IL5: variants seen among roughly 807,000 people sequenced by gnomAD.
IL5 encodes the protein interleukin-5.
A neutral mutation model predicts 16.3 loss-of-function variants in IL5; 12 were observed. The observed-to-expected ratio is 0.74, with a 90% CI of 0.47 to 1.20. IL5 has a LOEUF of 1.20. Among genes scored for constraint, IL5 ranks in the 50% most tolerant of loss-of-function variants. IL5 has a pLI of 0.00. For missense variants in IL5, 159 were observed against 153.9 expected (o/e 1.03, Z -0.17); for synonymous variants, 54 against 56.6 (o/e 0.95, Z 0.21).
At chr5:132,543,273 G>A (rs1749728670) in intron 1 of IL5, 62 bp downstream of exon 1, 1 of 1,494,844 alleles carries the variant, frequency 6.7e-7, no homozygotes, top group Admixed American at 1.8e-5. Flanking sequence ...ATATAGTAAA[G>A]GAACCATCAC....
chr5:132,543,190 T>C (rs2069822), intron 1 of IL5, 64 bp from the exon 2 acceptor site: 21,773 of 1,504,580 alleles, frequency 0.014, 206 homozygotes, highest in Non-Finnish European at 0.018. Context: ...TTTAACAGAA[T>C]GTTTGCTGGT....
chr5:132,550,325 C>CA (rs1749863309), intron 1 of IL5, among the ~76,000 whole-genome samples: 1 of 138,158 alleles, frequency 7.2e-6, no homozygotes, highest in South Asian at 2.3e-4. Context: ...AAAAAGAAAT[C>CA]TTTTTTTTTT....
At chr5:132,548,453 C>T (rs1406870052), upstream of IL5, among the ~76,000 whole-genome samples, 7 of 152,160 alleles carry the variant, frequency 4.6e-5, no homozygotes, top group Non-Finnish European at 1.0e-4. Flanking sequence ...TTGTTGTACT[C>T]GTTGAGTTAA....
At chr5:132,555,804 C>T (rs945475592) in intron 1 of IL5, among the ~76,000 whole-genome samples, 4 of 152,152 alleles carry the variant, frequency 2.6e-5, no homozygotes, top group Admixed American at 1.3e-4. Flanking sequence ...CGTGAGCCAC[C>T]GCGCCTGGCC....
chr5:132,556,363 G>C (rs1749984215), intron 1 of IL5: 1 of 152,718 alleles, frequency 6.5e-6, no homozygotes, highest in Admixed American at 6.5e-5. Context: ...GATCGGAATG[G>C]ATTACCTCTA....
chr5:132,546,895 C>T (rs1204701938), upstream of IL5, among the ~76,000 whole-genome samples: 1 of 151,862 alleles, frequency 6.6e-6, no homozygotes, highest in East Asian at 1.9e-4. Context: ...GCATGGTGGC[C>T]GGCACCTGTA....
At chr5:132,553,938 TAAAAAA>T (rs57467548) in intron 1 of IL5, among the ~76,000 whole-genome samples, 9 of 87,296 alleles carry the variant, frequency 1.0e-4, no homozygotes, top group African/African-American at 9.5e-5. Flanking sequence ...GACTCCGTCT[TAAAAAA>T]AAAAAAAAAA....
At position 132,541,619 on chromosome 5, in the gene IL5, T is replaced by C. The variant is rs202203536; in HGVS notation, c.*192A>G. On this transcript the variant is annotated 3_prime_UTR_variant, in exon 4 of 4. Coordinates refer to ENST00000231454, the MANE Select transcript of IL5 (RefSeq NM_000879.3). ...GCCTGGAGGAAAATACTTCAATGAT[T>C]CTGATATCTGAAATATATTTTAAGA... 2.9e-5 allele frequency: 14 copies of C among 475,820 alleles called. 1 individual carries two copies. The South Asian group carries it at 5.7e-4, about 19-fold the overall frequency. The allele number at this position is 475,820 out of a possible 1,614,324, so 29.5% of individuals were successfully genotyped here. A position where few individuals can be genotyped will look rare whatever the true frequency, so the allele number is the denominator to read the frequency against.
chr5:132,552,006 G>A (rs938965430), intron 1 of IL5, among the ~76,000 whole-genome samples: 4 of 152,174 alleles, frequency 2.6e-5, no homozygotes, highest in Admixed American at 6.5e-5. Context: ...CAGGCTGGGC[G>A]CAGCGGCTCA....
At chr5:132,553,368 A>G (rs978396886) in intron 1 of IL5, among the ~76,000 whole-genome samples, 6 of 152,222 alleles carry the variant, frequency 3.9e-5, no homozygotes, top group Non-Finnish European at 5.9e-5. Flanking sequence ...TTAAGAAAGC[A>G]AAACTGCATA....
chr5:132,549,634 T>G (rs1001961701), intron 1 of IL5, among the ~76,000 whole-genome samples: 1 of 152,178 alleles, frequency 6.6e-6, no homozygotes, highest in Non-Finnish European at 1.5e-5. Flanking sequence ...GTGGGTAACA[T>G]CCATCCTTTT....
chr5:132,545,751 C>G (rs1389894516), upstream of IL5, among the ~76,000 whole-genome samples: 1 of 152,110 alleles, frequency 6.6e-6, no homozygotes, highest in African/African-American at 2.4e-5. Flanking sequence ...TTCTGTTTTT[C>G]AAAGAAGCCT....
intron 1 of IL5, among the ~76,000 whole-genome samples, chr5:132,549,988 C>T (rs1391868375): frequency 6.6e-6 from 1 of 152,158 alleles, no homozygotes; most frequent in Non-Finnish European, 1.5e-5. Flanking sequence ...AACACATAGA[C>T]AGTTTTACAG....
rs1292505861 is a variant in IL5 at position 132,541,606 on chromosome 5, A to G, written c.*205T>C. 2.2e-6 allele frequency: 1 copy of G among 462,080 alleles called. No individual in the cohort carries two copies. 28.6% of individuals were successfully genotyped at this position (462,080 alleles called of 1,614,324 possible). Reference sequence around the variant, plus strand: ...GTATATCAATTTTGCCTGGAGGAAAATACTTCAATGATTCTGATATCTGAA... The same window carrying G: ...GTATATCAATTTTGCCTGGAGGAAAGTACTTCAATGATTCTGATATCTGAA... On this transcript the variant is annotated 3_prime_UTR_variant, in exon 4 of 4. Coordinates refer to ENST00000231454, the MANE Select transcript of IL5 (RefSeq NM_000879.3).
chr5:132,545,164 G>A (rs1326982860), upstream of IL5, among the ~76,000 whole-genome samples: 1 of 152,142 alleles, frequency 6.6e-6, no homozygotes, highest in Non-Finnish European at 1.5e-5. Context: ...CTCTTAAAAT[G>A]GTATTCTCAG....
At position 132,543,207 on chromosome 5, in the gene IL5, G is replaced by C. The variant is rs945116757; in HGVS notation, c.145-81C>G. On this transcript the variant is annotated intron_variant, in intron 1 of 3. Coordinates refer to ENST00000231454, the MANE Select transcript of IL5 (RefSeq NM_000879.3). ...TAACAGAATGTTTGCTGGTGATGTA[G>C]TTATCACCCATGTACTAATGTGCTC... The C allele has an allele frequency of 8.8e-5, 124 of 1,412,036 alleles. 1 individual carries two copies. In the Middle Eastern group the frequency reaches 1.6e-3, roughly 18 times the overall value. The allele number at this position is 1,412,036 out of a possible 1,614,324, so 87.5% of individuals were successfully genotyped here. A position where few individuals can be genotyped will look rare whatever the true frequency, so the allele number is the denominator to read the frequency against.
At chr5:132,554,195 G>T (rs1298596757) in intron 1 of IL5, among the ~76,000 whole-genome samples, 1 of 151,780 alleles carries the variant, frequency 6.6e-6, no homozygotes, top group Middle Eastern at 3.4e-3. Flanking sequence ...GTGAAACCCC[G>T]TCTCTACTAA....
intron 1 of IL5, 55 bp downstream of exon 1, chr5:132,543,280 T>C (rs1256760611): frequency 1.3e-6 from 2 of 1,522,096 alleles, no homozygotes; most frequent in Non-Finnish European, 1.8e-6. Flanking sequence ...AAAGGAACCA[T>C]CACAAATGAT....
chr5:132,554,587 A>C (rs1190004707), intron 1 of IL5, among the ~76,000 whole-genome samples: 2 of 152,216 alleles, frequency 1.3e-5, no homozygotes, highest in Non-Finnish European at 2.9e-5. Flanking sequence ...CTTATGCACT[A>C]TTGGTGGGAA....
Sources: allele counts gnomAD v4.1 joint callset (sites outside exome capture counted in the v4.1 genomes callset), GRCh38; gene constraint gnomAD v4.1.1; transcripts MANE v1.5; gene names NCBI Gene and HGNC (gene_info 2026-07-23, HGNC 2026-07-21).